The following JUP variants were observed in gnomAD, a reference collection of about 807,000 sequenced individuals.
JUP encodes catenin (cadherin-associated protein), gamma 80kDa.
A neutral mutation model predicts 71.1 loss-of-function variants in JUP; 28 were observed. The observed-to-expected ratio is 0.39, with a 90% CI of 0.29 to 0.54. JUP has a LOEUF of 0.54. Among genes scored for constraint, JUP ranks in the 20% least tolerant of loss-of-function variants. JUP has a pLI of 0.62. For synonymous variants in JUP, 401 were observed against 438.9 expected (o/e 0.91, Z 1.08); for missense variants, 869 against 1,030.1 (o/e 0.84, Z 2.14).
intron 1 of JUP, among the ~76,000 whole-genome samples, chr17:41,777,816 G>A (rs565935603): frequency 6.6e-6 from 1 of 152,340 alleles, no homozygotes; most frequent in East Asian, 1.9e-4. Context: ...GGATTTGTAG[G>A]AGAGGGAATT....
At chr17:41,777,102 G>A (rs931210316) in intron 1 of JUP, among the ~76,000 whole-genome samples, 3 of 152,258 alleles carry the variant, frequency 2.0e-5, no homozygotes, top group African/African-American at 7.2e-5. Flanking sequence ...GGGAGCCCTG[G>A]CTGCTTTCTC....
chr17:41,781,845 T>C (rs1320596811), intron 1 of JUP, among the ~76,000 whole-genome samples: 1 of 152,178 alleles, frequency 6.6e-6, no homozygotes, highest in Non-Finnish European at 1.5e-5. Context: ...AAGCCCCTCC[T>C]CCTGTCTAGA....
intron 5 of JUP, among the ~76,000 whole-genome samples, chr17:41,767,178 G>A (rs945308579): frequency 1.3e-5 from 2 of 152,106 alleles, no homozygotes; most frequent in Non-Finnish European, 2.9e-5. Context: ...TGACAATAGT[G>A]GCTATATGAG....
intron 1 of JUP, among the ~76,000 whole-genome samples, chr17:41,781,985 C>T (rs1162126945): frequency 2.0e-5 from 3 of 152,196 alleles, no homozygotes; most frequent in Admixed American, 2.0e-4. Flanking sequence ...TTCTCTGTCT[C>T]AAGTCCCATT....
intron 1 of JUP, among the ~76,000 whole-genome samples, chr17:41,781,687 G>T (rs560220037): frequency 6.6e-6 from 1 of 152,308 alleles, no homozygotes; most frequent in African/African-American, 2.4e-5. Flanking sequence ...TCTCCCAAAA[G>T]ATACAAATGA....
At chr17:41,778,559 C>A (rs1212033040) in intron 1 of JUP, among the ~76,000 whole-genome samples, 53 of 142,456 alleles carry the variant, frequency 3.7e-4, no homozygotes, top group Admixed American at 4.2e-4. Flanking sequence ...GACCCCATCT[C>A]AAAAAAAAAA....
intron 13 of JUP, 60 bp from the exon 14 acceptor site, chr17:41,755,955 C>A: frequency 1.3e-6 from 2 of 1,566,836 alleles, no homozygotes; most frequent in Admixed American, 1.7e-5. Flanking sequence ...AGGGAGCAGT[C>A]TGCACAGCCT....
intron 1 of JUP, 61 bp from the exon 2 acceptor site, chr17:41,771,923 A>G (rs1188015297): frequency 3.6e-6 from 5 of 1,382,040 alleles, no homozygotes; most frequent in Admixed American, 2.0e-5. Context: ...CCCCAGCTTC[A>G]GCCCGTCACC....
Position 41,786,610 on chromosome 17 carries a change from C to CCGGGTCGGGGT in JUP, c.-42_-32dup, listed in dbSNP as rs1243237587. On this transcript the variant is annotated 5_prime_UTR_variant, in exon 1 of 14. Coordinates refer to ENST00000393931, the MANE Select transcript of JUP (RefSeq NM_002230.4). ...CACCTGAGTATGGGGCCTGACCGGG[C>CCGGGTCGGGGT]CGGGTCGGGGTCGGGCCGGGGTGGG... 2 of 152,608 alleles carry CCGGGTCGGGGT rather than the reference C, an allele frequency of 1.3e-5. No homozygotes were observed. The highest frequency in any genetic ancestry group is 1.9e-4 in the East Asian group (1 of 5,180). 9.5% of individuals were successfully genotyped at this position (152,608 alleles called of 1,614,324 possible).
At chr17:41,761,289 C>A (rs1459895141) in intron 8 of JUP, among the ~76,000 whole-genome samples, 1 of 152,192 alleles carries the variant, frequency 6.6e-6, no homozygotes, top group Non-Finnish European at 1.5e-5. Flanking sequence ...GGTGATCACA[C>A]TTCCTAACCT....
In JUP at chr17:41,755,517, C is replaced by T; in HGVS notation, c.*227G>A. 1 of 458,982 alleles carries T rather than the reference C, an allele frequency of 2.2e-6. No homozygotes were observed. Among genetic ancestry groups the T allele is most frequent in the Non-Finnish European group, 3.8e-6 (1 of 263,026 alleles). The allele number at this position is 458,982 out of a possible 1,614,324, so 28.4% of individuals were successfully genotyped here. ...GCTCAAGCCACTCCGTGTCACCTGC[C>T]CACCACCCCCAGAAGGGGCCAGCAG... On this transcript the variant is annotated 3_prime_UTR_variant, in exon 14 of 14. Transcript: ENST00000393931.
chr17:41,768,932 G>A (rs782655523), intron 4 of JUP, 37 bp downstream of exon 4: 2 of 1,486,406 alleles, frequency 1.3e-6, no homozygotes, highest in Non-Finnish European at 1.8e-6. Flanking sequence ...CAAGTGAGAG[G>A]GGGTCCTGGG....
chr17:41,771,512 G>T, intron 2 of JUP, 135 bp downstream of exon 2: 1 of 758,160 alleles, frequency 1.3e-6, no homozygotes. Flanking sequence ...AGACTGGGTG[G>T]GCCCCTAGTT....
rs201214805 is a variant in JUP, at chr17:41,765,036, G to C, written c.941C>G (p.Ala314Gly). Residue 314 changes from alanine (A) to glycine (G), a missense_variant, in exon 6 of 14, where the codon GCC becomes GGC. Physicochemically the swap from Ala to Gly is moderately conservative, Grantham distance 60. Transcript: ENST00000393931. ...LIILANGGPQ[A>G]LVQIMRNYSY... Reference sequence around the variant, plus strand: ...GTAGTTACGCATGATCTGCACGAGGGCCTGGGGCCCACCATTGGCCAGGAT... The same window carrying C: ...GTAGTTACGCATGATCTGCACGAGGCCCTGGGGCCCACCATTGGCCAGGAT... The C allele has an allele frequency of 1.5e-5, 24 of 1,614,132 alleles. No individual in the cohort carries two copies. The highest frequency in any genetic ancestry group is 1.9e-5 in the Non-Finnish European group (22 of 1,180,000).
intron 1 of JUP, among the ~76,000 whole-genome samples, chr17:41,782,223 G>A (rs188904160): frequency 6.6e-6 from 1 of 152,268 alleles, no homozygotes; most frequent in Admixed American, 6.5e-5. Context: ...CCTCCCTAGA[G>A]GGCCAAGGCT....
intron 5 of JUP, among the ~76,000 whole-genome samples, chr17:41,766,095 G>C (rs1915665898): frequency 6.6e-6 from 1 of 151,914 alleles, no homozygotes; most frequent in Non-Finnish European, 1.5e-5. Flanking sequence ...TTAAAACTTA[G>C]CCCGGGTGCT....
rs575041614 is a variant in JUP, at chr17:41,755,405, G to A, written c.*339C>T. The A allele has an allele frequency of 2.0e-4, 81 of 408,312 alleles. No homozygotes were observed. Among genetic ancestry groups the A allele is most frequent in the Admixed American group, 5.8e-4 (14 of 24,104 alleles). The allele number at this position is 408,312 out of a possible 1,614,324, so 25.3% of individuals were successfully genotyped here. On this transcript the variant is annotated 3_prime_UTR_variant, in exon 14 of 14. Transcript: ENST00000393931. Reference sequence around the variant, plus strand: ...TTCTGTCTTGCCCCATCGCCTGCACGGAGAGCCTCTCAGATGAGGAACCGC... The same window carrying A: ...TTCTGTCTTGCCCCATCGCCTGCACAGAGAGCCTCTCAGATGAGGAACCGC...
intron 1 of JUP, among the ~76,000 whole-genome samples, chr17:41,782,504 C>T (rs782735097): frequency 1.3e-5 from 2 of 152,198 alleles, no homozygotes; most frequent in African/African-American, 2.4e-5. Context: ...ACTTCCTACA[C>T]ATGAACAAGC....
rs1044116447 is a variant in JUP, at chr17:41,785,870, C to G, written c.-9+718G>C. On this transcript the variant is annotated intron_variant, in intron 1 of 13. Coordinates refer to ENST00000393931, the MANE Select transcript of JUP (RefSeq NM_002230.4). ...GCCAGACACCAGCTGGACACTGAGC[C>G]GAGCCCTGCACCCCCCAGTCACTCC... is the stretch of plus-strand genomic sequence containing the variant. 3 of 100,016 alleles carry G rather than the reference C, an allele frequency of 3.0e-5. No individual in the cohort carries two copies. In the East Asian group the frequency reaches 8.3e-4, roughly 28 times the overall value. The allele number at this position is 100,016 out of a possible 1,614,324, so 6.2% of individuals were successfully genotyped here.
Sources: gnomAD v4.1 joint callset for allele counts (sites outside exome capture counted in the v4.1 genomes callset) on GRCh38, gnomAD v4.1.1 for gene constraint, MANE v1.5 for transcripts, NCBI Gene and HGNC (gene_info 2026-07-23, HGNC 2026-07-21) for gene names.